DGKB: variants seen among roughly 807,000 people sequenced by gnomAD.
The protein encoded by DGKB is 90 kDa diacylglycerol kinase.
A neutral mutation model predicts 114.3 loss-of-function variants in DGKB; 67 were observed. That is an observed-to-expected ratio of 0.59 (90% CI 0.48 to 0.72). The LOEUF is 0.72. Among genes scored for constraint, DGKB ranks in the 30% least tolerant of loss-of-function variants. The pLI is 0.00. For synonymous variants in DGKB, 398 were observed against 323.1 expected, an observed-to-expected ratio of 1.23 and a Z score of -2.49; for missense variants, 907 against 975.2, an observed-to-expected ratio of 0.93 and a Z score of 0.93.
chr7:14,171,184 C>T (rs538059597), intron 25 of DGKB, among the ~76,000 whole-genome samples: 2 of 152,132 alleles, frequency 1.3e-5, no homozygotes, highest in East Asian at 3.9e-4. Flanking sequence ...AGGGAAGGTA[C>T]AGAAAAAAGG....
chr7:14,531,248 G>C (rs1459516527), intron 20 of DGKB, among the ~76,000 whole-genome samples: 1 of 151,108 alleles, frequency 6.6e-6, no homozygotes, highest in Admixed American at 6.6e-5. Flanking sequence ...AATTGAAAGA[G>C]AAGAAAAAAA....
chr7:14,890,955 A>G (rs1781123678), intron 1 of DGKB, among the ~76,000 whole-genome samples: 1 of 151,520 alleles, frequency 6.6e-6, no homozygotes, highest in Admixed American at 6.6e-5. Flanking sequence ...AGTCGAATTA[A>G]AAATAATTTC....
intron 23 of DGKB, among the ~76,000 whole-genome samples, chr7:14,322,441 A>G (rs1392420425): frequency 6.6e-6 from 1 of 152,212 alleles, no homozygotes; most frequent in African/African-American, 2.4e-5. Context: ...AATGATATGA[A>G]AAAAGAAATT....
intron 1 of DGKB, among the ~76,000 whole-genome samples, chr7:14,883,509 G>C (rs1854554081): frequency 6.6e-6 from 1 of 151,814 alleles, no homozygotes; most frequent in Non-Finnish European, 1.5e-5. Context: ...TATTAAAGTG[G>C]GAGAATACAC....
intron 23 of DGKB, among the ~76,000 whole-genome samples, chr7:14,228,154 A>G (rs1486599618): frequency 6.6e-6 from 1 of 152,162 alleles, no homozygotes; most frequent in East Asian, 1.9e-4. Context: ...CAGTGATGAC[A>G]AGATTTTTCA....
At chr7:14,186,894 A>G (rs981931835) in intron 23 of DGKB, among the ~76,000 whole-genome samples, 2 of 152,164 alleles carry the variant, frequency 1.3e-5, no homozygotes, top group African/African-American at 4.8e-5. Flanking sequence ...GGCGAGGGAT[A>G]AAAGACTACA....
chr7:14,642,643 G>T (rs1010990066), intron 13 of DGKB, among the ~76,000 whole-genome samples: 1 of 151,932 alleles, frequency 6.6e-6, no homozygotes, highest in Non-Finnish European at 1.5e-5. Context: ...TTTTGCTAAG[G>T]CTACCAAGAA....
intron 6 of DGKB, among the ~76,000 whole-genome samples, chr7:14,710,863 C>G (rs2128334057): frequency 6.6e-6 from 1 of 152,114 alleles, no homozygotes; most frequent in Non-Finnish European, 1.5e-5. Flanking sequence ...TGAACCTGGA[C>G]ATGTTATTTT....
chr7:14,334,054 ATTTC>A (rs1431767342), intron 23 of DGKB, among the ~76,000 whole-genome samples: 21 of 152,212 alleles, frequency 1.4e-4, no homozygotes, highest in African/African-American at 4.3e-4. Context: ...AACTGATACA[ATTTC>A]TTTATGAGGA....
chr7:14,888,619 A>C (rs556267326), intron 1 of DGKB, among the ~76,000 whole-genome samples: 1 of 151,894 alleles, frequency 6.6e-6, no homozygotes, highest in South Asian at 2.1e-4. Context: ...AAGCAAAGTG[A>C]AACTGGAATA....
chr7:14,628,365 A>G (rs564603754), intron 14 of DGKB, among the ~76,000 whole-genome samples: 1 of 151,328 alleles, frequency 6.6e-6, no homozygotes, highest in African/African-American at 2.4e-5. Flanking sequence ...TAGAGAGAAC[A>G]ACTGTGCAAG....
chr7:14,353,524 C>A (rs1813875175), intron 21 of DGKB, among the ~76,000 whole-genome samples: 1 of 152,076 alleles, frequency 6.6e-6, no homozygotes, highest in South Asian at 2.1e-4. Flanking sequence ...CAGAGATGAC[C>A]CAGATTCTGG....
intron 13 of DGKB, among the ~76,000 whole-genome samples, chr7:14,670,137 A>G (rs1363302858): frequency 2.0e-5 from 3 of 152,112 alleles, no homozygotes; most frequent in African/African-American, 7.2e-5. Flanking sequence ...GTAAATATTC[A>G]TAGTGAAATA....
intron 8 of DGKB, among the ~76,000 whole-genome samples, chr7:14,697,787 A>AAAGG (rs369037694): frequency 6.7e-6 from 1 of 149,044 alleles, no homozygotes; most frequent in Non-Finnish European, 1.5e-5. Flanking sequence ...AGAAAGAAAG[A>AAAGG]AAGGAAGGAA....
chr7:14,650,859 A>C (rs1478028513), intron 13 of DGKB, among the ~76,000 whole-genome samples: 231 of 151,616 alleles, frequency 1.5e-3, no homozygotes, highest in African/African-American at 3.4e-3. Flanking sequence ...TCAGAGAATA[A>C]TACAAACACC....
chr7:14,166,839 C>T (rs1294278641), intron 25 of DGKB, among the ~76,000 whole-genome samples: 1 of 151,956 alleles, frequency 6.6e-6, no homozygotes, highest in Middle Eastern at 3.4e-3. Flanking sequence ...TAGAAAGTGC[C>T]AAGAAAAACC....
At chr7:14,378,140 G>T (rs1182623764) in intron 21 of DGKB, among the ~76,000 whole-genome samples, 1 of 152,146 alleles carries the variant, frequency 6.6e-6, no homozygotes, top group Non-Finnish European at 1.5e-5. Flanking sequence ...CCATGAAAAT[G>T]AAAGACTTCC....
At chr7:14,726,345 G>A (rs1020625780) in intron 5 of DGKB, among the ~76,000 whole-genome samples, 2 of 151,636 alleles carry the variant, frequency 1.3e-5, no homozygotes, top group Admixed American at 1.3e-4. Context: ...TTTTTATGTT[G>A]GCCAGGCTGG....
chr7:14,447,670 G>A (rs931300183), intron 21 of DGKB, among the ~76,000 whole-genome samples: 3 of 151,852 alleles, frequency 2.0e-5, no homozygotes, highest in Non-Finnish European at 4.4e-5. Flanking sequence ...GAACATGTCC[G>A]GATCTCACAG....
Sources: gnomAD v4.1 joint callset for allele counts (sites outside exome capture counted in the v4.1 genomes callset) on GRCh38, gnomAD v4.1.1 for gene constraint, MANE v1.5 for transcripts, NCBI Gene and HGNC (gene_info 2026-07-23, HGNC 2026-07-21) for gene names.